The following STRBP variants were observed in gnomAD, a reference collection of about 807,000 sequenced individuals.
STRBP encodes spermatid perinuclear RNA binding protein.
Under a neutral mutation model 80.1 loss-of-function variants are expected in STRBP, and 13 were observed. The observed-to-expected ratio is 0.16, with a 90% CI of 0.11 to 0.26. STRBP has a LOEUF of 0.26. STRBP is among the 10% of genes least tolerant of loss of function. The pLI, the probability that STRBP is intolerant of heterozygous loss-of-function variation, is 1.00. For missense variants in STRBP, 485 were observed against 815.2 expected, an observed-to-expected ratio of 0.59 and a Z score of 4.93; for synonymous variants, 284 against 291.2, an observed-to-expected ratio of 0.98 and a Z score of 0.25.
intron 2 of STRBP, among the ~76,000 whole-genome samples, chr9:123,210,396 G>T (rs2039666347): frequency 6.8e-6 from 1 of 147,432 alleles, no homozygotes; most frequent in Admixed American, 6.8e-5. Context: ...AATACAAAAA[G>T]AAGTCTTTTT....
chr9:123,178,706 A>G (rs1195744533), intron 4 of STRBP, among the ~76,000 whole-genome samples: 1 of 152,220 alleles, frequency 6.6e-6, no homozygotes, highest in Non-Finnish European at 1.5e-5. Flanking sequence ...TAGGAGGCTG[A>G]ATCAACACAG....
chr9:123,202,945 C>T (rs1475423353), intron 2 of STRBP, among the ~76,000 whole-genome samples: 1 of 152,128 alleles, frequency 6.6e-6, no homozygotes, highest in African/African-American at 2.4e-5. Context: ...GAGCAACCAC[C>T]ATCTCTCACT....
At chr9:123,249,788 C>G (rs751440954) in intron 1 of STRBP, among the ~76,000 whole-genome samples, 64 of 152,156 alleles carry the variant, frequency 4.2e-4, no homozygotes, top group Admixed American at 3.9e-3. Context: ...GTCCTCAAGA[C>G]CTTTTCAGGG....
At chr9:123,165,069 T>C (rs921017086) in intron 6 of STRBP, among the ~76,000 whole-genome samples, 3 of 151,476 alleles carry the variant, frequency 2.0e-5, no homozygotes, top group Non-Finnish European at 2.9e-5. Flanking sequence ...GATCACAAGG[T>C]CAAGAGATCG....
intron 13 of STRBP, among the ~76,000 whole-genome samples, chr9:123,146,269 A>C (rs1359831576): frequency 1.3e-5 from 2 of 152,020 alleles, no homozygotes; most frequent in African/African-American, 2.4e-5. Context: ...CCAATCCTGG[A>C]TATTATTCCC....
In STRBP at chr9:123,136,312, T is replaced by G. The variant is rs974895709; in HGVS notation, c.1632+69A>C. 1 of 1,599,660 alleles carries G rather than the reference T, an allele frequency of 6.3e-7. No individual in the cohort carries two copies. The highest frequency in any genetic ancestry group is 1.4e-5 in the African/African-American group (1 of 74,048). The stretch of plus-strand genomic sequence containing the variant: ...CAAGAACTGACTCAGTCTAAAACTT[T>G]ACATTAAGTTCAGGATATCCTATGT... On this transcript the variant is annotated intron_variant, in intron 15 of 18. Transcript: ENST00000348403. The surrounding 1 kb of genome is among the most constrained non-coding windows in gnomAD (Gnocchi z 4.2).
chr9:123,125,343 C>T lies in STRBP; in HGVS notation c.*254G>A, dbSNP rs1588442981. 8.6e-7 allele frequency: 1 copy of T among 1,164,976 alleles called. No homozygotes were observed. The highest frequency in any genetic ancestry group is 1.1e-6 in the Non-Finnish European group (1 of 945,758). 72.2% of individuals were successfully genotyped at this position (1,164,976 alleles called of 1,614,324 possible). A position where few individuals can be genotyped will look rare whatever the true frequency, so the allele number is the denominator to read the frequency against. Reference sequence around the variant, plus strand: ...CTTTGAACTGCTAGACTTTTATTTCCCTAGAACAGAAGGGCTGGTATAAGT... The same window carrying T: ...CTTTGAACTGCTAGACTTTTATTTCTCTAGAACAGAAGGGCTGGTATAAGT... On this transcript the variant is annotated 3_prime_UTR_variant, in exon 19 of 19. Transcript: ENST00000348403.
rs2038606379 is a variant in STRBP, at chr9:123,184,199, G to C, written c.-65C>G. On this transcript the variant is annotated 5_prime_UTR_variant, in exon 3 of 19. Coordinates refer to ENST00000348403, the MANE Select transcript of STRBP (RefSeq NM_018387.5). The stretch of plus-strand genomic sequence containing the variant: ...CCCCTCTTTCTTGTCGTCTTCACTA[G>C]ACACTGTTTTGTGTAACAATACCTC... 4.5e-6 allele frequency: 7 copies of C among 1,548,232 alleles called. No homozygotes were observed. Among genetic ancestry groups the C allele is most frequent in the Non-Finnish European group, 6.2e-6 (7 of 1,130,152 alleles).
chr9:123,259,560 T>C (rs1055113899), intron 1 of STRBP, among the ~76,000 whole-genome samples: 2 of 152,056 alleles, frequency 1.3e-5, no homozygotes, highest in Non-Finnish European at 1.5e-5. Flanking sequence ...ATACAAAAAA[T>C]TAGCTGGGCG....
intron 11 of STRBP, 49 bp from the exon 12 acceptor site, chr9:123,147,919 T>G: frequency 6.8e-7 from 1 of 1,479,592 alleles, no homozygotes; most frequent in Non-Finnish European, 9.3e-7. Flanking sequence ...AACAATCCCC[T>G]TACCGTACCA....
chr9:123,234,647 A>G (rs2040497786), intron 2 of STRBP, among the ~76,000 whole-genome samples: 1 of 152,154 alleles, frequency 6.6e-6, no homozygotes, highest in East Asian at 1.9e-4. Flanking sequence ...TAAAGTGCCT[A>G]GTCTCAGCAT....
chr9:123,179,532 T>C (rs1217864818), intron 3 of STRBP, among the ~76,000 whole-genome samples: 6 of 152,106 alleles, frequency 3.9e-5, no homozygotes, highest in Admixed American at 1.3e-4. Flanking sequence ...TCCCAGCACT[T>C]TGGGAGACCG....
At chr9:123,241,110 C>T (rs577465291) in intron 1 of STRBP, among the ~76,000 whole-genome samples, 1 of 148,352 alleles carries the variant, frequency 6.7e-6, no homozygotes, top group South Asian at 2.1e-4. Context: ...ACCCAGGTGG[C>T]GGAGGTTGCG....
At position 123,124,058 on chromosome 9, in the gene STRBP, A is replaced by G; in HGVS notation, c.*1539T>C. ...AGAAACAAACTAATCATTGTGTAAT[A>G]TATATCTGAGAAGTGACACTAACAT... On this transcript the variant is annotated 3_prime_UTR_variant, in exon 19 of 19. Transcript: ENST00000348403. 2 of 985,440 alleles carry G rather than the reference A, an allele frequency of 2.0e-6. No individual in the cohort carries two copies. The highest frequency in any genetic ancestry group is 2.4e-6 in the Non-Finnish European group (2 of 829,938). The allele number at this position is 985,440 out of a possible 1,614,324, so 61.0% of individuals were successfully genotyped here.
intron 1 of STRBP, among the ~76,000 whole-genome samples, chr9:123,260,055 T>C (rs1204398677): frequency 6.6e-6 from 1 of 151,936 alleles, no homozygotes; most frequent in African/African-American, 2.4e-5. Context: ...AGTTTTGCTG[T>C]AAAGGGGAGC....
rs2035758568 is a variant in STRBP at position 123,122,352 on chromosome 9, C to T, written c.*3245G>A. 7.8e-7 allele frequency: 1 copy of T among 1,286,898 alleles called. No individual in the cohort carries two copies. Among genetic ancestry groups the T allele is most frequent in the Non-Finnish European group, 1.0e-6 (1 of 988,040 alleles). The allele number at this position is 1,286,898 out of a possible 1,614,324, so 79.7% of individuals were successfully genotyped here. A position where few individuals can be genotyped will look rare whatever the true frequency, so the allele number is the denominator to read the frequency against. The stretch of plus-strand genomic sequence containing the variant: ...CTGAAATACACAGAGGGTCCAACAC[C>T]AGTTTTAAAAATACATTAACGAGGT... On this transcript the variant is annotated 3_prime_UTR_variant, in exon 19 of 19. Coordinates refer to ENST00000348403, the MANE Select transcript of STRBP (RefSeq NM_018387.5).
In STRBP at chr9:123,110,801, C is replaced by T. The variant is rs990826105; in HGVS notation, c.*85-1048G>A. ...CCCAGTAACATTTCTAAAAATGAGC[C>T]CTCCTCCCTCGGAAAGGTAGTAAGT... On this transcript the variant is annotated intron_variant and NMD_transcript_variant, in intron 3 of 3. Coordinates refer to the STRBP transcript ENST00000471564. The surrounding 1 kb of genome is among the most constrained non-coding windows in gnomAD (Gnocchi z 4.1). 2.4e-5 allele frequency: 4 copies of T among 169,180 alleles called. No homozygotes were observed. In the South Asian group the frequency reaches 8.1e-4, roughly 34 times the overall value. 10.5% of individuals were successfully genotyped at this position (169,180 alleles called of 1,614,324 possible). A position where few individuals can be genotyped will look rare whatever the true frequency, so the allele number is the denominator to read the frequency against.
At chr9:123,163,807 A>G (rs2037630267) in intron 6 of STRBP, among the ~76,000 whole-genome samples, 1 of 152,198 alleles carries the variant, frequency 6.6e-6, no homozygotes, top group Non-Finnish European at 1.5e-5. Flanking sequence ...TTGGTAGCAG[A>G]ATCTCAACTT....
At chr9:123,256,018 C>CTTTT (rs11338372) in intron 1 of STRBP, among the ~76,000 whole-genome samples, 2,582 of 71,302 alleles carry the variant, frequency 0.036, no homozygotes, top group Non-Finnish European at 0.05. Context: ...TCCTTTCTTT[C>CTTTT]TTTTTTTTTT....
Sources: gnomAD v4.1 joint callset for allele counts (sites outside exome capture counted in the v4.1 genomes callset) on GRCh38, gnomAD v4.1.1 for gene constraint, Gnocchi (gnomAD v3.1) non-coding constraint, MANE v1.5 for transcripts, NCBI Gene and HGNC (gene_info 2026-07-23, HGNC 2026-07-21) for gene names.